The following MCM10 variants were observed in gnomAD, a reference collection of about 807,000 sequenced individuals.
MCM10 encodes the protein protein MCM10 homolog.
Under a neutral mutation model 109.9 loss-of-function variants are expected in MCM10, and 91 were observed. The ratio of observed to expected loss-of-function variants is 0.83; its 90% CI spans 0.70 to 0.99. MCM10 has a LOEUF of 0.99. Ranked by LOEUF, MCM10 falls within the 50% of genes least tolerant of loss-of-function variation. MCM10 has a pLI of 0.00. For synonymous variants in MCM10, 380 were observed against 387.2 expected (o/e 0.98, Z 0.22); for missense variants, 1,077 against 1,061.2 (o/e 1.01, Z -0.21).
intron 3 of MCM10, 132 bp downstream of exon 3, chr10:13,171,395 A>G (rs77223142): frequency 0.011 from 9,329 of 885,592 alleles, 250 homozygotes; most frequent in East Asian, 0.055. Flanking sequence ...AGAAAAAAAG[A>G]AAGAAAATTA....
intron 13 of MCM10, among the ~76,000 whole-genome samples, chr10:13,192,909 G>A (rs1032106124): frequency 1.1e-4 from 17 of 151,540 alleles, no homozygotes; most frequent in Admixed American, 2.6e-4. Flanking sequence ...TTTCTGAGAC[G>A]GGTTTTCACT....
intron 8 of MCM10, among the ~76,000 whole-genome samples, chr10:13,185,044 A>G (rs992895439): frequency 6.6e-6 from 1 of 152,184 alleles, no homozygotes; most frequent in Non-Finnish European, 1.5e-5. Context: ...CTACAGGAGT[A>G]TGCATCCGGG....
At chr10:13,191,218 G>A in intron 10 of MCM10, 81 bp from the exon 11 acceptor site, 2 of 908,966 alleles carry the variant, frequency 2.2e-6, no homozygotes, top group Non-Finnish European at 3.6e-6. Flanking sequence ...TGTAATAAAT[G>A]ATGATATCTA....
Position 13,164,196 on chromosome 10 carries a change from T to G in MCM10, c.-7T>G, listed in dbSNP as rs1287971026. On this transcript the variant is annotated 5_prime_UTR_variant, in exon 2 of 20. Coordinates refer to ENST00000378714, the MANE Select transcript of MCM10 (RefSeq NM_018518.5). ...AAGTTTCCTGTCACAACTGTCCTCT[T>G]GACAGCATGGATGGTAAGACCTGGC... 3.1e-6 allele frequency: 5 copies of G among 1,598,188 alleles called. No homozygotes were observed. The highest frequency in any genetic ancestry group is 4.3e-6 in the Non-Finnish European group (5 of 1,175,628).
At chr10:13,205,869 T>TACGG (rs1346749460) in intron 18 of MCM10, among the ~76,000 whole-genome samples, 2 of 152,316 alleles carry the variant, frequency 1.3e-5, no homozygotes, top group African/African-American at 4.8e-5. Flanking sequence ...CAACATCAGA[T>TACGG]ACGGAGGCAG....
chr10:13,198,628 G>A lies in MCM10; in HGVS notation c.2120-61G>A, dbSNP rs1001158579. ...GGGAGTGGGAGGGAGTAGAGTTGAT[G>A]AGGCGCACTGGCTTTCTGAAATTTC... is the stretch of plus-strand genomic sequence containing the variant. On this transcript the variant is annotated intron_variant, in intron 15 of 19. Coordinates refer to ENST00000378714, the MANE Select transcript of MCM10 (RefSeq NM_018518.5). 14 of 1,066,662 alleles carry A rather than the reference G, an allele frequency of 1.3e-5. No individual in the cohort carries two copies. In the African/African-American group the frequency reaches 2.0e-4, roughly 15 times the overall value. 66.1% of individuals were successfully genotyped at this position (1,066,662 alleles called of 1,614,324 possible).
At chr10:13,203,804 AAG>A (rs35606741) in intron 17 of MCM10, among the ~76,000 whole-genome samples, 22,525 of 152,106 alleles carry the variant, frequency 0.15, 1,980 homozygotes, top group South Asian at 0.19. Flanking sequence ...AAGAGAATGA[AAG>A]AGCTGCTGAT....
chr10:13,206,102 T>C (rs1448679189), intron 18 of MCM10, among the ~76,000 whole-genome samples: 1 of 152,222 alleles, frequency 6.6e-6, no homozygotes, highest in Non-Finnish European at 1.5e-5. Flanking sequence ...GATCCTCTTG[T>C]TAATTTTCTT....
At position 13,180,595 on chromosome 10, in the gene MCM10, G is replaced by C. The variant is rs774275306; in HGVS notation, c.918G>C (p.Gln306His). The change falls in exon 7 of 20, where the codon CAG becomes CAC. Residue 306 changes from glutamine to histidine, a missense_variant. Transcript: ENST00000378714. ...FGVILKKVTP[Q>H]SVNSGKTFSI... ...TTATATTGAAGAAGGTTACGCCACA[G>C]AGTGTGAATAGTGTAAGCCATTGTA... is the stretch of plus-strand genomic sequence containing the variant. The C allele has an allele frequency of 1.6e-5, 26 of 1,614,024 alleles. No individual in the cohort carries two copies. Among genetic ancestry groups the C allele is most frequent in the Non-Finnish European group, 2.2e-5 (26 of 1,180,024 alleles).
chr10:13,177,487 CA>C (rs1222592185), intron 6 of MCM10, among the ~76,000 whole-genome samples: 1 of 130,628 alleles, frequency 7.7e-6, no homozygotes, highest in East Asian at 2.3e-4. Context: ...TGTTTGTGCT[CA>C]AAAGTTTTAG....
chr10:13,164,140 A>C lies in MCM10; in HGVS notation c.-63A>C. On this transcript the variant is annotated 5_prime_UTR_variant, in exon 2 of 20. Transcript: ENST00000378714. ...TGCTTTCACACAGCCAAGATTCTACATTGCTCATCTGGGCATCTGAGCCTC... is the reference window on the plus strand; with the variant it reads ...TGCTTTCACACAGCCAAGATTCTACCTTGCTCATCTGGGCATCTGAGCCTC... The C allele has an allele frequency of 2.1e-6, 3 of 1,457,732 alleles. No individual in the cohort carries two copies. The highest frequency in any genetic ancestry group is 1.8e-4 in the Middle Eastern group (1 of 5,572). The allele number at this position is 1,457,732 out of a possible 1,614,324, so 90.3% of individuals were successfully genotyped here.
At chr10:13,209,004 A>C (rs1834622122) in intron 18 of MCM10, 87 bp from the exon 19 acceptor site, 1 of 900,206 alleles carries the variant, frequency 1.1e-6, no homozygotes. Context: ...ATGGGGGCCT[A>C]CTCTCCCCAG....
intron 11 of MCM10, 49 bp from the exon 12 acceptor site, chr10:13,192,206 C>A: frequency 7.7e-7 from 1 of 1,298,944 alleles, no homozygotes; most frequent in Non-Finnish European, 1.1e-6. Context: ...CATATGACCT[C>A]AAACCATCTG....
rs1423001259 is a variant in MCM10 at position 13,180,455 on chromosome 10, T to C, written c.778T>C (p.Ser260Pro). 6.2e-7 allele frequency: 1 copy of C among 1,611,454 alleles called. No individual in the cohort carries two copies. Among genetic ancestry groups the C allele is most frequent in the African/African-American group, 1.3e-5 (1 of 74,610 alleles). Reference protein sequence around the residue: ...SGLRLRRPRVSSTEMNKKMTG... With the variant: ...SGLRLRRPRVPSTEMNKKMTG... ...TTCTTAACCCAGGCGGCCTCGAGTA[T>C]CCTCCACAGAAATGAACAAGAAAAT... is the stretch of plus-strand genomic sequence containing the variant. The change falls in exon 7 of 20, where the codon TCC (serine) becomes CCC (proline). Residue 260 changes from serine (S) to proline (P), a missense_variant. Coordinates refer to ENST00000378714, the MANE Select transcript of MCM10 (RefSeq NM_018518.5).
chr10:13,192,146 C>T (rs1834355538), intron 11 of MCM10, 109 bp from the exon 12 acceptor site: 11 of 660,018 alleles, frequency 1.7e-5, no homozygotes, highest in South Asian at 6.1e-5. Context: ...CCGTCTTCTT[C>T]GTTTACGTAT....
chr10:13,204,314 C>T lies in MCM10; in HGVS notation c.2448C>T (p.Pro816=), dbSNP rs1367688860. The part of the protein sequence containing the change: ...HDGVKRFFKC[P]CGNRSISLDR... ...GTGTGAAGAGGTTTTTCAAATGTCCCTGTGGAAACAGAAGCATCTCCTTGG... is the reference window on the plus strand; with the variant it reads ...GTGTGAAGAGGTTTTTCAAATGTCCTTGTGGAAACAGAAGCATCTCCTTGG... The change falls in exon 18 of 20, where the codon CCC becomes CCT. Residue 816 remains proline (P), a synonymous_variant. Transcript: ENST00000378714. 3 of 1,614,204 alleles carry T rather than the reference C, an allele frequency of 1.9e-6. No individual in the cohort carries two copies. The highest frequency in any genetic ancestry group is 1.1e-5 in the South Asian group (1 of 91,078).
chr10:13,185,477 C>A (rs1203188135), intron 8 of MCM10, among the ~76,000 whole-genome samples: 1 of 152,156 alleles, frequency 6.6e-6, no homozygotes, highest in Non-Finnish European at 1.5e-5. Flanking sequence ...AGCCAGCCTC[C>A]TAACTCATTT....
At chr10:13,186,104 C>A in intron 8 of MCM10, 60 bp from the exon 9 acceptor site, 1 of 914,018 alleles carries the variant, frequency 1.1e-6, no homozygotes, top group African/African-American at 1.7e-5. Context: ...TTTTCTATTC[C>A]TGCTAATAAA....
Position 13,172,506 on chromosome 10 carries a change from C to T in MCM10, c.454+26C>T, listed in dbSNP as rs138488957. 1.1e-4 allele frequency: 172 copies of T among 1,605,840 alleles called. 2 individuals carry two copies. In the East Asian group the frequency reaches 3.1e-3, roughly 29 times the overall value. ...GTAAGAAGACTGTCATTCTGGCAAT[C>T]GTGTGCATTTATTTTATTAGAAATT... On this transcript the variant is annotated intron_variant, in intron 4 of 19. Coordinates refer to ENST00000378714, the MANE Select transcript of MCM10 (RefSeq NM_018518.5). This position sits in a 1 kb window ranked among gnomAD's most constrained non-coding sequence, Gnocchi z 5.2.
Sources: allele counts gnomAD v4.1 joint callset (sites outside exome capture counted in the v4.1 genomes callset), GRCh38; gene constraint gnomAD v4.1.1; non-coding constraint Gnocchi (gnomAD v3.1); transcripts MANE v1.5; gene names NCBI Gene and HGNC (gene_info 2026-07-23, HGNC 2026-07-21).